The following SLC36A2 variants were observed in gnomAD, a reference collection of about 807,000 sequenced individuals.
The protein encoded by SLC36A2 is solute carrier family 36 member 2.
SLC36A2 carries 39 observed loss-of-function variants against 42.7 expected under a neutral mutation model. That is an observed-to-expected ratio of 0.91 (90% CI 0.71 to 1.19). The LOEUF is 1.19. SLC36A2 is among the 50% of genes most tolerant of loss of function. SLC36A2 has a pLI of 0.00. For missense variants in SLC36A2, 590 were observed against 613.7 expected, an observed-to-expected ratio of 0.96 and a Z score of 0.41; for synonymous variants, 237 against 240.8, an observed-to-expected ratio of 0.98 and a Z score of 0.15.
intron 6 of SLC36A2, 48 bp downstream of exon 6, chr5:151,335,280 TA>T: frequency 2.7e-6 from 4 of 1,468,512 alleles, no homozygotes; most frequent in East Asian, 2.4e-5. Context: ...CTATCCTTGA[TA>T]AAAAAACCCT....
intron 1 of SLC36A2, among the ~76,000 whole-genome samples, chr5:151,346,282 G>A (rs1303081301): frequency 1.3e-5 from 2 of 152,122 alleles, no homozygotes; most frequent in Non-Finnish European, 2.9e-5. Flanking sequence ...TCCAGGACTA[G>A]CCCTGGGGCG....
At chr5:151,336,346 A>G (rs2127295103) in intron 5 of SLC36A2, among the ~76,000 whole-genome samples, 1 of 152,070 alleles carries the variant, frequency 6.6e-6, no homozygotes, top group African/African-American at 2.4e-5. Context: ...TAGTTCTTCC[A>G]TCTATATCCT....
rs376920848 is a variant in SLC36A2, at chr5:151,316,785, C to T, written c.*32G>A. 40 of 1,392,050 alleles carry T rather than the reference C, an allele frequency of 2.9e-5. 1 individual carries two copies. The highest frequency in any genetic ancestry group is 5.3e-5 in the Admixed American group (3 of 56,506). 86.2% of individuals were successfully genotyped at this position (1,392,050 alleles called of 1,614,324 possible). On this transcript the variant is annotated 3_prime_UTR_variant, in exon 10 of 10. Coordinates refer to ENST00000335244, the MANE Select transcript of SLC36A2 (RefSeq NM_181776.3). Reference sequence around the variant, plus strand: ...AAAAGAGATCCATATAATTAAAAGTCGGGTGCTGGTAGGCAAGGAGCAGTG... The same window carrying T: ...AAAAGAGATCCATATAATTAAAAGTTGGGTGCTGGTAGGCAAGGAGCAGTG...
intron 2 of SLC36A2, 76 bp from the exon 3 acceptor site, chr5:151,343,674 G>C (rs1054136775): frequency 3.0e-6 from 4 of 1,339,144 alleles, no homozygotes; most frequent in African/African-American, 2.9e-5. Context: ...AGATGGGCTT[G>C]GTAGTGCTGA....
chr5:151,319,047 C>T (rs1362943431), intron 9 of SLC36A2: 1 of 547,708 alleles, frequency 1.8e-6, no homozygotes, highest in Non-Finnish European at 2.3e-6. Flanking sequence ...CCACCCCTTC[C>T]TCAGCTTGTT....
intron 6 of SLC36A2, among the ~76,000 whole-genome samples, chr5:151,334,382 T>C (rs919332591): frequency 6.6e-6 from 1 of 151,802 alleles, no homozygotes; most frequent in South Asian, 2.1e-4. Context: ...TTCTATGTAG[T>C]GTTGTCTATT....
chr5:151,335,205 G>A, intron 6 of SLC36A2, 124 bp downstream of exon 6: 1 of 705,662 alleles, frequency 1.4e-6, no homozygotes, highest in Non-Finnish European at 2.6e-6. Flanking sequence ...GCTACAGTGA[G>A]ATGCATGTCT....
At chr5:151,323,350 G>C (rs1327947176) in intron 8 of SLC36A2, among the ~76,000 whole-genome samples, 1 of 152,068 alleles carries the variant, frequency 6.6e-6, no homozygotes, top group African/African-American at 2.4e-5. Context: ...TGTGTTTCTT[G>C]CTCACACTAG....
chr5:151,340,201 G>A (rs1310178290), intron 4 of SLC36A2, among the ~76,000 whole-genome samples: 23 of 136,098 alleles, frequency 1.7e-4, no homozygotes, highest in African/African-American at 4.1e-4. Context: ...TGGAGGAGGA[G>A]GAGAGGAGGA....
intron 7 of SLC36A2, among the ~76,000 whole-genome samples, chr5:151,331,009 AGAATT>A (rs1445549611): frequency 6.6e-6 from 1 of 152,226 alleles, no homozygotes; most frequent in African/African-American, 2.4e-5. Flanking sequence ...CCAATGGAAT[AGAATT>A]GAGAGTACAG....
chr5:151,337,283 C>A (rs920166018), intron 5 of SLC36A2, among the ~76,000 whole-genome samples: 23 of 152,152 alleles, frequency 1.5e-4, no homozygotes, highest in African/African-American at 5.6e-4. Context: ...TGGCTGCCAC[C>A]ACTTTTTTTC....
intron 4 of SLC36A2, 148 bp from the exon 5 acceptor site, chr5:151,339,292 G>T: frequency 3.4e-6 from 2 of 589,364 alleles, no homozygotes; most frequent in South Asian, 1.6e-5. Flanking sequence ...CAACAATGGG[G>T]CAAAGAAGTA....
chr5:151,317,310 G>A (rs1030731468), intron 9 of SLC36A2, among the ~76,000 whole-genome samples: 46 of 151,918 alleles, frequency 3.0e-4, no homozygotes, highest in African/African-American at 1.1e-3. Flanking sequence ...AAATCAGCCG[G>A]GTGTGGTAGT....
chr5:151,323,002 G>A (rs573219676), intron 8 of SLC36A2, among the ~76,000 whole-genome samples: 2 of 152,306 alleles, frequency 1.3e-5, no homozygotes, highest in South Asian at 2.1e-4. Flanking sequence ...TTGGGAGGCC[G>A]AGGGCGGTGG....
rs33912867 is a variant in SLC36A2 at position 151,316,740 on chromosome 5, CAAAAAAAAAAAA to C, written c.*65_*76del. On this transcript the variant is annotated 3_prime_UTR_variant, in exon 10 of 10. Transcript: ENST00000335244. ...GGGCAACAAGACAGAAACTCCGTCT[CAAAAAAAAAAAA>C]AAAAAAAAAAAGAGATCCATATAAT... 7.9e-5 allele frequency: 71 copies of C among 896,212 alleles called. No individual in the cohort carries two copies. The highest frequency in any genetic ancestry group is 1.0e-4 in the Non-Finnish European group (68 of 676,790). 55.5% of individuals were successfully genotyped at this position (896,212 alleles called of 1,614,324 possible). A position where few individuals can be genotyped will look rare whatever the true frequency, so the allele number is the denominator to read the frequency against.
In SLC36A2 at chr5:151,340,366, T is replaced by C. The variant is rs144435040; in HGVS notation, c.441-1222A>G. 1.0e-3 allele frequency among the ~76,000 whole-genome samples: 159 copies of C among 152,288 alleles called. 1 individual carries two copies. The East Asian group carries it at 0.029, about 27-fold the overall frequency. Reference sequence around the variant, plus strand: ...GGGAAGAAATGACACATTCAGAATCTGAATCTTTGAACTTGAGGTTCCTAT... The same window carrying C: ...GGGAAGAAATGACACATTCAGAATCCGAATCTTTGAACTTGAGGTTCCTAT... On this transcript the variant is annotated intron_variant, in intron 4 of 9. Coordinates refer to ENST00000335244, the MANE Select transcript of SLC36A2 (RefSeq NM_181776.3).
chr5:151,323,791 G>A (rs982215465), intron 8 of SLC36A2, among the ~76,000 whole-genome samples: 9 of 152,164 alleles, frequency 5.9e-5, no homozygotes, highest in African/African-American at 2.2e-4. Context: ...AGGAGCCGGC[G>A]AAGATAGTGA....
chr5:151,318,797 A>G (rs1474764750), intron 9 of SLC36A2, among the ~76,000 whole-genome samples: 2 of 152,024 alleles, frequency 1.3e-5, no homozygotes, highest in Admixed American at 1.3e-4. Context: ...TTTTATACAC[A>G]TGTCAGAAAA....
chr5:151,345,428 A>G (rs1156846367), intron 1 of SLC36A2, among the ~76,000 whole-genome samples: 1 of 152,162 alleles, frequency 6.6e-6, no homozygotes, highest in Non-Finnish European at 1.5e-5. Flanking sequence ...GCTATTTTTA[A>G]AAGATGCTAT....
Sources: allele counts gnomAD v4.1 joint callset (sites outside exome capture counted in the v4.1 genomes callset), GRCh38; gene constraint gnomAD v4.1.1; transcripts MANE v1.5; gene names NCBI Gene and HGNC (gene_info 2026-07-23, HGNC 2026-07-21).